Variants in TRABD2B observed in about 807,000 individuals in gnomAD.
The protein encoded by TRABD2B is TraB domain containing 2B, also known as metalloprotease TIKI2.
Under a neutral mutation model 40.1 loss-of-function variants are expected in TRABD2B, and 14 were observed. The observed-to-expected ratio is 0.35, with a 90% CI of 0.23 to 0.55. The LOEUF (loss-of-function observed/expected upper bound fraction) is 0.55, where lower values mean the gene tolerates loss of function less well. Among genes scored for constraint, TRABD2B ranks in the 20% least tolerant of loss-of-function variants. The probability of loss-of-function intolerance (pLI) is 0.90; values close to 1 mark genes in which losing one functional copy is unlikely to be tolerated. For synonymous variants in TRABD2B, 263 were observed against 277.0 expected (o/e 0.95, Z 0.50); for missense variants, 541 against 648.6 (o/e 0.83, Z 1.80).
intron 2 of TRABD2B, among the ~76,000 whole-genome samples, chr1:47,987,222 T>G (rs183661535): frequency 3.9e-5 from 6 of 152,208 alleles, no homozygotes; most frequent in Non-Finnish European, 7.4e-5. Context: ...GACAATATGT[T>G]TGCGGATGAG....
chr1:47,794,532 C>G, intron 4 of TRABD2B, 54 bp downstream of exon 4: 1 of 1,466,578 alleles, frequency 6.8e-7, no homozygotes, highest in Non-Finnish European at 9.0e-7. Context: ...AGGGGAGAGC[C>G]AAGCAAATCT....
At chr1:47,878,647 A>G (rs1644258108) in intron 2 of TRABD2B, among the ~76,000 whole-genome samples, 1 of 152,256 alleles carries the variant, frequency 6.6e-6, no homozygotes, top group Non-Finnish European at 1.5e-5. Flanking sequence ...TACAAAATCT[A>G]GAATTGAGCT....
intron 2 of TRABD2B, among the ~76,000 whole-genome samples, chr1:47,924,798 G>A (rs1445588881): frequency 6.6e-6 from 1 of 152,204 alleles, no homozygotes; most frequent in Non-Finnish European, 1.5e-5. Context: ...GGGCCATCTA[G>A]GGCAGAGGAC....
intron 2 of TRABD2B, among the ~76,000 whole-genome samples, chr1:47,948,773 C>A (rs1020158532): frequency 4.6e-5 from 7 of 152,134 alleles, no homozygotes; most frequent in African/African-American, 1.4e-4. Flanking sequence ...TTCAAAATTT[C>A]AAGATGTTTC....
chr1:47,827,337 C>T (rs191656180), intron 2 of TRABD2B, among the ~76,000 whole-genome samples: 143 of 152,332 alleles, frequency 9.4e-4, no homozygotes, highest in Middle Eastern at 3.4e-3. Context: ...GGCACATTTT[C>T]AGCATCTGCA....
intron 2 of TRABD2B, among the ~76,000 whole-genome samples, chr1:47,844,511 A>T (rs1438720027): frequency 6.6e-6 from 1 of 152,132 alleles, no homozygotes; most frequent in Non-Finnish European, 1.5e-5. Flanking sequence ...CTCAATGAAC[A>T]TCTTTTGGGC....
intron 6 of TRABD2B, among the ~76,000 whole-genome samples, chr1:47,770,736 G>T (rs1219515341): frequency 6.6e-6 from 1 of 152,220 alleles, no homozygotes; most frequent in Non-Finnish European, 1.5e-5. Flanking sequence ...TGCAGTATGT[G>T]CCCAATATGT....
In TRABD2B at chr1:47,887,627, A is replaced by G. The variant is rs192139494; in HGVS notation, c.667-86008T>C. Among the ~76,000 whole-genome samples the G allele has an allele frequency of 9.8e-5, 15 of 152,294 alleles. No individual in the cohort carries two copies. In the East Asian group the frequency reaches 2.7e-3, roughly 27 times the overall value. ...ATGACAAAGCCAATGAACAGTCTTA[A>G]CCTGAGCAAAGCATGTGGATTGGGC... is the stretch of plus-strand genomic sequence containing the variant. On this transcript the variant is annotated intron_variant, in intron 2 of 6. Coordinates refer to ENST00000606738, the MANE Select transcript of TRABD2B (RefSeq NM_001194986.2).
At chr1:47,893,071 C>T (rs918495905) in intron 2 of TRABD2B, among the ~76,000 whole-genome samples, 1 of 152,174 alleles carries the variant, frequency 6.6e-6, no homozygotes, top group African/African-American at 2.4e-5. Flanking sequence ...AGTGGTGAGA[C>T]AGGTCTATGT....
At chr1:47,841,775 CTTTTCT>C (rs1258665434) in intron 2 of TRABD2B, among the ~76,000 whole-genome samples, 7 of 146,346 alleles carry the variant, frequency 4.8e-5, no homozygotes, top group Non-Finnish European at 1.0e-4. Flanking sequence ...TTCTCCTTTT[CTTTTCT>C]TTTTCTTTTT....
intron 2 of TRABD2B, among the ~76,000 whole-genome samples, chr1:47,914,053 T>C (rs1644797348): frequency 6.6e-6 from 1 of 152,240 alleles, no homozygotes; most frequent in Non-Finnish European, 1.5e-5. Flanking sequence ...CTGCTCACTC[T>C]GTCGCAGCTT....
In TRABD2B at chr1:47,996,857, C is replaced by T; in HGVS notation, c.-68G>A. 8.7e-7 allele frequency: 1 copy of T among 1,156,046 alleles called. No homozygotes were observed. The highest frequency in any genetic ancestry group is 1.1e-6 in the Non-Finnish European group (1 of 939,736). 71.6% of individuals were successfully genotyped at this position (1,156,046 alleles called of 1,614,324 possible). On this transcript the variant is annotated 5_prime_UTR_variant, in exon 1 of 7. Transcript: ENST00000606738. This position sits in a 1 kb window ranked among gnomAD's most constrained non-coding sequence, Gnocchi z 4.6. Reference sequence around the variant, plus strand: ...GCCCCTCAGCGGGGCGGGGAGCCCCCAGTTGGGCACGGAGTTTCCTCTGGA... The same window carrying T: ...GCCCCTCAGCGGGGCGGGGAGCCCCTAGTTGGGCACGGAGTTTCCTCTGGA...
intron 2 of TRABD2B, among the ~76,000 whole-genome samples, chr1:47,875,705 A>G (rs910375259): frequency 4.7e-5 from 7 of 148,176 alleles, no homozygotes; most frequent in Non-Finnish European, 8.9e-5. Flanking sequence ...AAAAAAGAAG[A>G]AGGAAAGGAA....
chr1:47,780,960 A>G (rs1312479837), intron 4 of TRABD2B, among the ~76,000 whole-genome samples: 1 of 152,212 alleles, frequency 6.6e-6, no homozygotes, highest in Non-Finnish European at 1.5e-5. Flanking sequence ...ACGGGCCTAC[A>G]GTTCTTTGAC....
intron 4 of TRABD2B, among the ~76,000 whole-genome samples, chr1:47,786,068 CAA>C (rs1385921666): frequency 3.3e-5 from 5 of 152,204 alleles, no homozygotes; most frequent in African/African-American, 1.2e-4. Flanking sequence ...GGTGGCAACA[CAA>C]GAGCTCACAT....
At chr1:47,913,449 G>A (rs1340446115) in intron 2 of TRABD2B, among the ~76,000 whole-genome samples, 2 of 152,246 alleles carry the variant, frequency 1.3e-5, no homozygotes, top group African/African-American at 2.4e-5. Context: ...GCACCCAGTC[G>A]GTTCTAGGAA....
chr1:47,980,452 C>T (rs1243309905), intron 2 of TRABD2B, among the ~76,000 whole-genome samples: 1 of 152,198 alleles, frequency 6.6e-6, no homozygotes, highest in African/African-American at 2.4e-5. Context: ...CTGAGCTCTG[C>T]AAAGCCCCAG....
intron 2 of TRABD2B, among the ~76,000 whole-genome samples, chr1:47,847,946 G>A (rs1427007684): frequency 6.6e-6 from 1 of 152,162 alleles, no homozygotes; most frequent in African/African-American, 2.4e-5. Context: ...TTAATGACAT[G>A]GGGCGGGGCT....
chr1:47,919,398 A>G (rs762223814), intron 2 of TRABD2B, among the ~76,000 whole-genome samples: 5 of 152,202 alleles, frequency 3.3e-5, no homozygotes, highest in African/African-American at 4.8e-5. Context: ...GCCAAACAGC[A>G]AAGTCTATCT....
Sources: gnomAD v4.1 joint callset for allele counts (sites outside exome capture counted in the v4.1 genomes callset) on GRCh38, gnomAD v4.1.1 for gene constraint, Gnocchi (gnomAD v3.1) non-coding constraint, MANE v1.5 for transcripts, NCBI Gene and HGNC (gene_info 2026-07-23, HGNC 2026-07-21) for gene names.